Variants in VPS13B observed in about 807,000 individuals in gnomAD.
The protein encoded by VPS13B is vacuolar protein sorting 13 homolog B.
VPS13B carries 285 observed loss-of-function variants against 426.4 expected under a neutral mutation model. The ratio of observed to expected loss-of-function variants is 0.67; its 90% CI spans 0.61 to 0.74. The LOEUF (loss-of-function observed/expected upper bound fraction) is 0.74. VPS13B is among the 30% of genes least tolerant of loss of function. The pLI is 0.00. For missense variants in VPS13B, 4,537 were observed against 4,782.6 expected, an observed-to-expected ratio of 0.95 and a Z score of 1.51; for synonymous variants, 1,676 against 1,676.4, an observed-to-expected ratio of 1.00 and a Z score of 0.01.
At chr8:99,160,852 A>C (rs1197153329) in intron 15 of VPS13B, among the ~76,000 whole-genome samples, 1 of 152,188 alleles carries the variant, frequency 6.6e-6, no homozygotes, top group Non-Finnish European at 1.5e-5. Context: ...GGTGTATATA[A>C]ATGTAAGATG....
At chr8:99,652,247 G>A (rs763567794) in intron 34 of VPS13B, among the ~76,000 whole-genome samples, 13 of 152,062 alleles carry the variant, frequency 8.5e-5, no homozygotes, top group Non-Finnish European at 8.8e-5. Context: ...CCTTACAGCT[G>A]TGTGACCTTA....
intron 33 of VPS13B, among the ~76,000 whole-genome samples, chr8:99,631,761 C>T (rs1828856699): frequency 6.6e-6 from 1 of 151,556 alleles, no homozygotes; most frequent in Admixed American, 6.6e-5. Context: ...TGGCTGGCTT[C>T]CCCCTAGAAC....
At chr8:99,397,665 C>G (rs1325348065) in intron 21 of VPS13B, among the ~76,000 whole-genome samples, 1 of 152,102 alleles carries the variant, frequency 6.6e-6, no homozygotes, top group Non-Finnish European at 1.5e-5. Flanking sequence ...GATCAGGAAG[C>G]TTTTTATTCT....
chr8:99,679,145 G>T (rs1001878645), intron 35 of VPS13B, among the ~76,000 whole-genome samples: 1 of 151,984 alleles, frequency 6.6e-6, no homozygotes, highest in African/African-American at 2.4e-5. Flanking sequence ...TTCCATTCAT[G>T]CTGATCTCTC....
intron 29 of VPS13B, among the ~76,000 whole-genome samples, chr8:99,519,484 T>C (rs1325975760): frequency 1.3e-5 from 2 of 152,148 alleles, no homozygotes; most frequent in Admixed American, 1.3e-4. Context: ...ATTATGCTGC[T>C]ATAAAGACAC....
At chr8:99,091,536 A>G (rs1207726348) in intron 3 of VPS13B, among the ~76,000 whole-genome samples, 1 of 152,110 alleles carries the variant, frequency 6.6e-6, no homozygotes, top group Non-Finnish European at 1.5e-5. Flanking sequence ...CATGCTTGAT[A>G]TATATATTTT....
At chr8:99,458,192 T>A (rs1818608074) in intron 23 of VPS13B, among the ~76,000 whole-genome samples, 1 of 152,038 alleles carries the variant, frequency 6.6e-6, no homozygotes, top group African/African-American at 2.4e-5. Flanking sequence ...CTTGTGATAG[T>A]TTGCTGAGAA....
At chr8:99,759,500 G>A (rs1475933351) in intron 39 of VPS13B, among the ~76,000 whole-genome samples, 1 of 152,116 alleles carries the variant, frequency 6.6e-6, no homozygotes, top group Non-Finnish European at 1.5e-5. Flanking sequence ...ATTGCCCTCT[G>A]TTTTTCCACT....
chr8:99,747,473 C>A (rs1810152267), intron 39 of VPS13B, among the ~76,000 whole-genome samples: 1 of 151,966 alleles, frequency 6.6e-6, no homozygotes, highest in Admixed American at 6.6e-5. Flanking sequence ...TTCTTCAGAC[C>A]TGTGCCAGAT....
At chr8:99,554,029 CAA>C (rs1034818329) in intron 30 of VPS13B, among the ~76,000 whole-genome samples, 1 of 144,368 alleles carries the variant, frequency 6.9e-6, no homozygotes, top group African/African-American at 2.5e-5. Flanking sequence ...AATTTAAGTC[CAA>C]AAAAAAAATG....
chr8:99,032,591 G>A (rs1229820268), intron 2 of VPS13B, among the ~76,000 whole-genome samples: 1 of 147,840 alleles, frequency 6.8e-6, no homozygotes, highest in Non-Finnish European at 1.5e-5. Context: ...GTGCAGTGGC[G>A]CGATCTCAAC....
At chr8:99,049,680 T>A (rs1377032928) in intron 3 of VPS13B, among the ~76,000 whole-genome samples, 8 of 152,228 alleles carry the variant, frequency 5.3e-5, no homozygotes, top group Admixed American at 5.2e-4. Context: ...ATTTCACAGG[T>A]GTTCTTTGAG....
intron 35 of VPS13B, among the ~76,000 whole-genome samples, chr8:99,688,863 A>C (rs1831529630): frequency 6.6e-6 from 1 of 152,120 alleles, no homozygotes. Context: ...GGTCACAGAA[A>C]GAATGAGGCT....
chr8:99,696,754 C>T (rs77268705), intron 35 of VPS13B: 43,930 of 1,273,482 alleles, frequency 0.034, 887 homozygotes, highest in Admixed American at 0.047. Flanking sequence ...GGGAGAGACC[C>T]AGCAATGAGG....
intron 15 of VPS13B, among the ~76,000 whole-genome samples, chr8:99,160,463 C>A (rs989313121): frequency 6.6e-6 from 1 of 151,280 alleles, no homozygotes; most frequent in Non-Finnish European, 1.5e-5. Flanking sequence ...GGTCGAGACC[C>A]CCCTGAGCAA....
At chr8:99,813,466 A>T (rs1813840602) in intron 44 of VPS13B, among the ~76,000 whole-genome samples, 1 of 152,250 alleles carries the variant, frequency 6.6e-6, no homozygotes, top group African/African-American at 2.4e-5. Context: ...ATAATGCTTC[A>T]GAGTTTTCAA....
intron 8 of VPS13B, among the ~76,000 whole-genome samples, chr8:99,131,201 C>T (rs555097730): frequency 9.2e-5 from 14 of 152,004 alleles, no homozygotes; most frequent in Non-Finnish European, 1.6e-4. Context: ...TGTTCTTTAC[C>T]CAGTTTCCCT....
intron 19 of VPS13B, among the ~76,000 whole-genome samples, chr8:99,315,033 G>C (rs925028644): frequency 1.3e-5 from 2 of 152,098 alleles, no homozygotes; most frequent in African/African-American, 4.8e-5. Flanking sequence ...CTTGTCGGCA[G>C]CATATAGTTA....
intron 31 of VPS13B, among the ~76,000 whole-genome samples, chr8:99,573,228 A>C (rs1258190394): frequency 6.6e-6 from 1 of 151,830 alleles, no homozygotes; most frequent in African/African-American, 2.4e-5. Context: ...GCTTGCAAAA[A>C]TTTTCTCCCA....
Sources: gnomAD v4.1 joint callset for allele counts (sites outside exome capture counted in the v4.1 genomes callset) on GRCh38, gnomAD v4.1.1 for gene constraint, MANE v1.5 for transcripts, NCBI Gene and HGNC (gene_info 2026-07-23, HGNC 2026-07-21) for gene names.